The following MROH9 variants were observed in gnomAD, a reference collection of about 807,000 sequenced individuals.
The protein encoded by MROH9 is maestro heat-like repeat-containing protein family member 9.
In MROH9, 92 loss-of-function variants were observed where a neutral mutation model predicts 98.2. That is an observed-to-expected ratio of 0.94 (90% confidence interval 0.79 to 1.11). The LOEUF (loss-of-function observed/expected upper bound fraction) is 1.11. Among genes scored for constraint, MROH9 ranks in the 50% most tolerant of loss-of-function variants. The pLI, the probability that MROH9 is intolerant of heterozygous loss-of-function variation, is 0.00. For missense variants in MROH9, 1,057 were observed against 1,014.8 expected (o/e 1.04, Z -0.57); for synonymous variants, 397 against 368.9 (o/e 1.08, Z -0.87).
chr1:171,057,687 T>C (rs1462044188), intron 20 of MROH9, among the ~76,000 whole-genome samples: 1 of 151,420 alleles, frequency 6.6e-6, no homozygotes, highest in Non-Finnish European at 1.5e-5. Context: ...AAGGTCAAAA[T>C]AAGGGAAAAA....
intron 10 of MROH9, among the ~76,000 whole-genome samples, 155 bp downstream of exon 10, chr1:170,986,865 C>T (rs559533718): frequency 9.2e-5 from 14 of 152,158 alleles, no homozygotes; most frequent in African/African-American, 3.4e-4. Flanking sequence ...TTAAATTTTA[C>T]TTAGAGACAG....
intron 15 of MROH9, 75 bp downstream of exon 15, chr1:170,998,349 T>G (rs1159606767): frequency 1.2e-6 from 2 of 1,612,232 alleles, no homozygotes; most frequent in South Asian, 2.2e-5. Context: ...AATTCCAGTT[T>G]CTCGTATCTC....
intron 20 of MROH9, among the ~76,000 whole-genome samples, chr1:171,060,156 T>TA (rs1175885264): frequency 6.6e-6 from 1 of 151,624 alleles, no homozygotes; most frequent in Non-Finnish European, 1.5e-5. Flanking sequence ...CCTATTGAAA[T>TA]AAAAAATAAA....
chr1:170,938,432 C>T (rs556526239), intron 1 of MROH9, among the ~76,000 whole-genome samples: 5 of 152,244 alleles, frequency 3.3e-5, no homozygotes, highest in East Asian at 1.9e-4. Context: ...TTCAGTTTTC[C>T]GGAGAACCTT....
chr1:170,994,830 C>T (rs546647905), intron 12 of MROH9, among the ~76,000 whole-genome samples: 181 of 151,828 alleles, frequency 1.2e-3, no homozygotes, highest in African/African-American at 3.7e-3. Context: ...TTATTTTTCC[C>T]GAGTTACATT....
At chr1:171,044,515 C>T (rs1259663440) in intron 20 of MROH9, among the ~76,000 whole-genome samples, 1 of 152,140 alleles carries the variant, frequency 6.6e-6, no homozygotes, top group African/African-American at 2.4e-5. Flanking sequence ...CTCTAATTTT[C>T]AGAACATTTT....
intron 1 of MROH9, among the ~76,000 whole-genome samples, chr1:170,939,840 A>T (rs984549108): frequency 1.1e-4 from 17 of 152,148 alleles, no homozygotes; most frequent in African/African-American, 4.1e-4. Flanking sequence ...AAGAAGACTA[A>T]CTATCTGCAG....
intron 17 of MROH9, among the ~76,000 whole-genome samples, chr1:171,021,055 G>C (rs966198044): frequency 6.6e-6 from 1 of 152,064 alleles, no homozygotes; most frequent in Non-Finnish European, 1.5e-5. Flanking sequence ...GCTAACAAGG[G>C]ATGTCAAGGA....
intron 8 of MROH9, among the ~76,000 whole-genome samples, chr1:170,977,821 C>T (rs1650771225): frequency 6.6e-6 from 1 of 152,122 alleles, no homozygotes; most frequent in African/African-American, 2.4e-5. Flanking sequence ...TCTGGAGGCT[C>T]CACACCAGAG....
chr1:170,960,161 G>T (rs1649963700), intron 5 of MROH9, among the ~76,000 whole-genome samples: 2 of 152,182 alleles, frequency 1.3e-5, no homozygotes, highest in African/African-American at 4.8e-5. Context: ...AGCCTCGTCT[G>T]CAATTGATGC....
intron 2 of MROH9, among the ~76,000 whole-genome samples, chr1:170,946,764 G>A (rs1649345966): frequency 1.3e-5 from 2 of 151,910 alleles, no homozygotes; most frequent in African/African-American, 4.8e-5. Flanking sequence ...CCTCCTCCAA[G>A]CAAGCAAAGG....
Position 171,016,243 on chromosome 1 carries a change from G to C in MROH9, c.1815G>C (p.Leu605Phe). Residue 605 changes from leucine (L) to phenylalanine (F), a missense_variant, in exon 17 of 22, where the codon TTG (leucine) becomes TTC (phenylalanine). Coordinates refer to ENST00000367759, the MANE Select transcript of MROH9 (RefSeq NM_001163629.2). ...SKDDNVVLQA[L>F]LTLRRLLNEL... The stretch of plus-strand genomic sequence containing the variant: ...ACGATAATGTTGTACTTCAGGCCTT[G>C]CTCACCCTTAGAAGGCTTTTAAACG... The C allele has an allele frequency of 6.5e-7, 1 of 1,540,784 alleles. No individual in the cohort carries two copies.
chr1:170,974,082 A>G (rs946072788), intron 8 of MROH9, among the ~76,000 whole-genome samples: 4 of 152,178 alleles, frequency 2.6e-5, no homozygotes, highest in African/African-American at 9.7e-5. Context: ...AAGATTAATG[A>G]GCTTGCAGAC....
chr1:171,017,450 A>G (rs534668427), intron 17 of MROH9, among the ~76,000 whole-genome samples: 108 of 152,344 alleles, frequency 7.1e-4, no homozygotes, highest in African/African-American at 2.4e-3. Context: ...AGCCCATGCC[A>G]TAAGGACCTA....
chr1:171,010,988 T>G (rs1652137109), intron 15 of MROH9, among the ~76,000 whole-genome samples: 1 of 152,232 alleles, frequency 6.6e-6, no homozygotes, highest in Admixed American at 6.5e-5. Flanking sequence ...TTACCATTGC[T>G]TTTGGTGTTT....
At chr1:170,971,516 G>A (rs773612763) in intron 7 of MROH9, among the ~76,000 whole-genome samples, 5 of 152,110 alleles carry the variant, frequency 3.3e-5, no homozygotes, top group Non-Finnish European at 7.4e-5. Context: ...CTTGTCATCA[G>A]TGTTACCCCT....
chr1:171,035,285 TAATA>T (rs768216744), intron 20 of MROH9, among the ~76,000 whole-genome samples: 4 of 151,300 alleles, frequency 2.6e-5, no homozygotes, highest in East Asian at 1.9e-4. Context: ...CAAAAAATAA[TAATA>T]AATATAAAGA....
chr1:171,003,958 G>C (rs982438851), intron 15 of MROH9, among the ~76,000 whole-genome samples: 1 of 152,120 alleles, frequency 6.6e-6, no homozygotes, highest in African/African-American at 2.4e-5. Context: ...CAAGTCACTG[G>C]AGTTGTGTAC....
intron 15 of MROH9, among the ~76,000 whole-genome samples, chr1:171,012,541 C>T (rs1275148081): frequency 7.2e-6 from 1 of 139,346 alleles, no homozygotes; most frequent in Non-Finnish European, 1.5e-5. Flanking sequence ...CTTGCTCCGT[C>T]ACCCAGGCTA....
Sources: allele counts gnomAD v4.1 joint callset (sites outside exome capture counted in the v4.1 genomes callset), GRCh38; gene constraint gnomAD v4.1.1; transcripts MANE v1.5; gene names NCBI Gene and HGNC (gene_info 2026-07-23, HGNC 2026-07-21).